Variants in STEAP2 observed in about 807,000 individuals in gnomAD.
STEAP2 encodes the protein metalloreductase STEAP2.
A neutral mutation model predicts 46.4 loss-of-function variants in STEAP2; 30 were observed. The observed-to-expected ratio is 0.65, with a 90% confidence interval of 0.48 to 0.88. The LOEUF is 0.88. STEAP2 is among the 40% of genes least tolerant of loss of function. The pLI, the probability that STEAP2 is intolerant of heterozygous loss-of-function variation, is 0.00. For synonymous variants in STEAP2, 180 were observed against 200.5 expected (o/e 0.90, Z 0.86); for missense variants, 513 against 579.3 (o/e 0.89, Z 1.18).
In STEAP2 at chr7:90,232,574, A is replaced by G. The variant is rs1223502516; in HGVS notation, c.1423A>G (p.Met475Val). ...WEKSQFLEEGMGGTIPHVSPE... is the reference protein window; with the variant it reads ...WEKSQFLEEGVGGTIPHVSPE... ...AAAGAGCCAATTTCTGGAAGAAGGT[A>G]TGGGAGGAACAATTCCTCATGTCTC... The change falls in exon 6 of 6, where the codon ATG becomes GTG. Residue 475 changes from methionine (M) to valine (V), a missense_variant. Physicochemically the swap from Met to Val is conservative, Grantham distance 21. Transcript: ENST00000394621. 1.2e-6 allele frequency: 2 copies of G among 1,613,446 alleles called. No individual in the cohort carries two copies. Among genetic ancestry groups the G allele is most frequent in the South Asian group, 2.2e-5 (2 of 91,054 alleles).
Position 90,237,075 on chromosome 7 carries a change from T to C in STEAP2, c.*4451T>C. 1 of 982,306 alleles carries C rather than the reference T, an allele frequency of 1.0e-6. No homozygotes were observed. Among genetic ancestry groups the C allele is most frequent in the Non-Finnish European group, 1.5e-6 (1 of 661,912 alleles). 60.8% of individuals were successfully genotyped at this position (982,306 alleles called of 1,614,324 possible). A position where few individuals can be genotyped will look rare whatever the true frequency, so the allele number is the denominator to read the frequency against. On this transcript the variant is annotated 3_prime_UTR_variant, in exon 6 of 6. Transcript: ENST00000394621. ...TCAAAGGAAGGCAGCATGTGTCCTT[T>C]TTCATCCCTTCATCTTGCTGCTGGG...
chr7:90,221,057 G>A (rs1230287924), intron 2 of STEAP2, among the ~76,000 whole-genome samples: 2 of 152,106 alleles, frequency 1.3e-5, no homozygotes, highest in Non-Finnish European at 2.9e-5. Context: ...GTCATTCCTA[G>A]AGAATGTCTA....
intron 2 of STEAP2, among the ~76,000 whole-genome samples, chr7:90,218,844 A>C (rs896932701): frequency 3.3e-5 from 5 of 152,114 alleles, no homozygotes; most frequent in Admixed American, 2.6e-4. Context: ...ATTGCATTGA[A>C]TCTGTGTATT....
chr7:90,236,892 T>G lies in STEAP2; in HGVS notation c.*4268T>G, dbSNP rs1310175277. The G allele has an allele frequency of 2.5e-6, 4 of 1,614,058 alleles. No homozygotes were observed. The highest frequency in any genetic ancestry group is 3.4e-6 in the Non-Finnish European group (4 of 1,179,982). On this transcript the variant is annotated 3_prime_UTR_variant, in exon 6 of 6. Coordinates refer to ENST00000394621, the MANE Select transcript of STEAP2 (RefSeq NM_001244944.2). ...ATTCTCTTGAAATTGTCTTTAAAGA[T>G]CTTTTGCAGCTTTGCAGATACCCAG...
chr7:90,216,618 T>C lies in STEAP2; in HGVS notation c.-34+15T>C, dbSNP rs558368292. On this transcript the variant is annotated intron_variant, in intron 2 of 5. Transcript: ENST00000394621. The stretch of plus-strand genomic sequence containing the variant: ...TATATTCAAAGGTAACTACTACTCT[T>C]TCGCAAGTGTAATTTTTCATTACTA... 1.3e-5 allele frequency: 2 copies of C among 152,260 alleles called. No individual in the cohort carries two copies. Among genetic ancestry groups the C allele is most frequent in the Admixed American group, 6.5e-5 (1 of 15,292 alleles). The allele number at this position is 152,260 out of a possible 1,614,324, so 9.4% of individuals were successfully genotyped here.
At chr7:90,224,035 G>A (rs923819464) in intron 2 of STEAP2, among the ~76,000 whole-genome samples, 14 of 152,268 alleles carry the variant, frequency 9.2e-5, no homozygotes, top group East Asian at 7.7e-4. Context: ...TAGTATCACA[G>A]TCCTCTCTGC....
chr7:90,233,284 A>G lies in STEAP2; in HGVS notation c.*660A>G, dbSNP rs1795834556. ...ACATACTGATAATACATACCTCATG[A>G]AAGATTTTATTCTTTATTGTGTTAC... On this transcript the variant is annotated 3_prime_UTR_variant, in exon 6 of 6. Coordinates refer to ENST00000394621, the MANE Select transcript of STEAP2 (RefSeq NM_001244944.2). The G allele has an allele frequency of 1.0e-6, 1 of 956,288 alleles. No homozygotes were observed. The highest frequency in any genetic ancestry group is 4.8e-5 in the South Asian group (1 of 20,636). The allele number at this position is 956,288 out of a possible 1,614,324, so 59.2% of individuals were successfully genotyped here. A position where few individuals can be genotyped will look rare whatever the true frequency, so the allele number is the denominator to read the frequency against.
chr7:90,227,094 C>G lies in STEAP2; in HGVS notation c.616C>G (p.Leu206Val). The G allele has an allele frequency of 6.2e-7, 1 of 1,613,836 alleles. No homozygotes were observed. The highest frequency in any genetic ancestry group is 8.5e-7 in the Non-Finnish European group (1 of 1,179,860). Residue 206 changes from leucine to valine, a missense_variant, in exon 4 of 6, where the codon CTA (leucine) becomes GTA (valine). Leu to Val is a conservative substitution (Grantham distance 32, BLOSUM62 1). Coordinates refer to ENST00000394621, the MANE Select transcript of STEAP2 (RefSeq NM_001244944.2). ...SSAREIENLP[L>V]RLFTLWRGPV... ...AGCCAGAGAGATTGAAAATTTACCCCTACGACTCTTTACTCTCTGGAGAGG... is the reference window on the plus strand; with the variant it reads ...AGCCAGAGAGATTGAAAATTTACCCGTACGACTCTTTACTCTCTGGAGAGG...
At chr7:90,238,092 T>C, downstream of STEAP2, 2 of 717,496 alleles carry the variant, frequency 2.8e-6, no homozygotes, top group Non-Finnish European at 5.2e-6. Context: ...CCTTGCCTCC[T>C]GGCCAGTGGC....
At position 90,232,931 on chromosome 7, in the gene STEAP2, T is replaced by G; in HGVS notation, c.*307T>G. 2 of 997,126 alleles carry G rather than the reference T, an allele frequency of 2.0e-6. No individual in the cohort carries two copies. The highest frequency in any genetic ancestry group is 2.4e-6 in the Non-Finnish European group (2 of 834,246). The allele number at this position is 997,126 out of a possible 1,614,324, so 61.8% of individuals were successfully genotyped here. A position where few individuals can be genotyped will look rare whatever the true frequency, so the allele number is the denominator to read the frequency against. On this transcript the variant is annotated 3_prime_UTR_variant, in exon 6 of 6. Coordinates refer to ENST00000394621, the MANE Select transcript of STEAP2 (RefSeq NM_001244944.2). ...GCAAAAATACTTACAGTTAATAATA[T>G]AGATATAATGTTAAAAACAATTTGC...
chr7:90,231,627 G>T (rs1795752585), intron 5 of STEAP2, among the ~76,000 whole-genome samples: 1 of 151,884 alleles, frequency 6.6e-6, no homozygotes, highest in Admixed American at 6.6e-5. Flanking sequence ...CAGAGAAAAG[G>T]TACAGTAAAA....
Position 90,225,554 on chromosome 7 carries a change from C to A in STEAP2, c.472C>A (p.Pro158Thr). Residue 158 changes from proline (P) to threonine (T), a missense_variant, in exon 3 of 6, where the codon CCT becomes ACT. Pro to Thr is a conservative substitution (Grantham distance 38). Coordinates refer to ENST00000394621, the MANE Select transcript of STEAP2 (RefSeq NM_001244944.2). The stretch of plus-strand genomic sequence containing the variant: ...CTCAGCTTGGGCACTTCAGTTAGGA[C>A]CTAAGGATGCCAGCCGGCAGGTATG... ...VVSAWALQLG[P>T]KDASRQVYIC... The A allele has an allele frequency of 6.3e-7, 1 of 1,596,294 alleles. No individual in the cohort carries two copies. The highest frequency in any genetic ancestry group is 1.1e-5 in the South Asian group (1 of 87,636).
intron 2 of STEAP2, among the ~76,000 whole-genome samples, chr7:90,224,313 T>C (rs1254842494): frequency 2.0e-5 from 3 of 152,104 alleles, no homozygotes; most frequent in East Asian, 3.9e-4. Context: ...CACCTAGAAG[T>C]TACCACCCCT....
At position 90,236,969 on chromosome 7, in the gene STEAP2, C is replaced by A; in HGVS notation, c.*4345C>A. 1 of 1,613,756 alleles carries A rather than the reference C, an allele frequency of 6.2e-7. No individual in the cohort carries two copies. The highest frequency in any genetic ancestry group is 8.5e-7 in the Non-Finnish European group (1 of 1,179,802). On this transcript the variant is annotated 3_prime_UTR_variant, in exon 6 of 6. Transcript: ENST00000394621. ...CCTATTGACTCTACTTCTTTAAAAG[C>A]GGCTGCCCATTACATTCCTCAGCTG... is the stretch of plus-strand genomic sequence containing the variant.
chr7:90,237,177 G>A lies in STEAP2; in HGVS notation c.*4553G>A, dbSNP rs1795990980. 1 of 455,484 alleles carries A rather than the reference G, an allele frequency of 2.2e-6. No homozygotes were observed. The highest frequency in any genetic ancestry group is 2.0e-5 in the African/African-American group (1 of 49,560). 28.2% of individuals were successfully genotyped at this position (455,484 alleles called of 1,614,324 possible). On this transcript the variant is annotated 3_prime_UTR_variant, in exon 6 of 6. Transcript: ENST00000394621. The stretch of plus-strand genomic sequence containing the variant: ...CACCCAAAGAGTAAGGCAGATTAGA[G>A]ACCAGAAAGACCTTGACTACTTCCC...
Position 90,233,081 on chromosome 7 carries a change from A to T in STEAP2, c.*457A>T. 1 of 984,612 alleles carries T rather than the reference A, an allele frequency of 1.0e-6. No homozygotes were observed. The highest frequency in any genetic ancestry group is 1.2e-6 in the Non-Finnish European group (1 of 829,116). The allele number at this position is 984,612 out of a possible 1,614,324, so 61.0% of individuals were successfully genotyped here. On this transcript the variant is annotated 3_prime_UTR_variant, in exon 6 of 6. Transcript: ENST00000394621. ...TTATTATACATTTTTTTAAGAAAGG[A>T]CACGTTATGTTAGCATCTAGGTAAG...
In STEAP2 at chr7:90,221,213, G is replaced by A. The variant is rs11971979; in HGVS notation, c.-33-3837G>A. ...GATTATCTGTCAGATGCTGGCAGGC[G>A]GTGTTGAAGTCCCCAAATGTTGTTG... is the stretch of plus-strand genomic sequence containing the variant. On this transcript the variant is annotated intron_variant, in intron 2 of 5. Transcript: ENST00000394621. Among the ~76,000 whole-genome samples, 524 of 152,156 alleles carry A rather than the reference G, an allele frequency of 3.4e-3. 4 individuals carry two copies. Among genetic ancestry groups the A allele is most frequent in the African/African-American group, 0.011 (467 of 41,520 alleles).
rs1370665650 is a variant in STEAP2 at position 90,227,056 on chromosome 7, G to T, written c.578G>T (p.Gly193Val). 6.2e-7 allele frequency: 1 copy of T among 1,613,648 alleles called. No homozygotes were observed. Among genetic ancestry groups the T allele is most frequent in the East Asian group, 2.2e-5 (1 of 44,876 alleles). The change falls in exon 4 of 6, where the codon GGA (glycine) becomes GTA (valine). Residue 193 changes from glycine (G) to valine (V), a missense_variant. Gly to Val is a moderately radical substitution (Grantham distance 109). Coordinates refer to ENST00000394621, the MANE Select transcript of STEAP2 (RefSeq NM_001244944.2). Reference sequence around the variant, plus strand: ...TTGAATTTCATTCCCATTGACTTGGGATCCTTATCATCAGCCAGAGAGATT... The same window carrying T: ...TTGAATTTCATTCCCATTGACTTGGTATCCTTATCATCAGCCAGAGAGATT... ...RQLNFIPIDLGSLSSAREIEN... is the reference protein window; with the variant it reads ...RQLNFIPIDLVSLSSAREIEN...
chr7:90,237,006 A>G lies in STEAP2; in HGVS notation c.*4382A>G. 6.3e-7 allele frequency: 1 copy of G among 1,595,090 alleles called. No individual in the cohort carries two copies. The highest frequency in any genetic ancestry group is 8.6e-7 in the Non-Finnish European group (1 of 1,163,586). On this transcript the variant is annotated 3_prime_UTR_variant, in exon 6 of 6. Coordinates refer to ENST00000394621, the MANE Select transcript of STEAP2 (RefSeq NM_001244944.2). The stretch of plus-strand genomic sequence containing the variant: ...ACATTCCTCAGCTGTCCTTGCAGTT[A>G]GGTGTACATGTGACTGAGTGTTGGC...
Sources: allele counts gnomAD v4.1 joint callset (sites outside exome capture counted in the v4.1 genomes callset), GRCh38; gene constraint gnomAD v4.1.1; transcripts MANE v1.5; gene names NCBI Gene and HGNC (gene_info 2026-07-23, HGNC 2026-07-21).